Variants in FXN observed in about 807,000 individuals in gnomAD.
FXN encodes frataxin.
A neutral mutation model predicts 22.4 loss-of-function variants in FXN; 14 were observed. The observed-to-expected ratio is 0.62, with a 90% CI of 0.41 to 0.98. The LOEUF is 0.98. Ranked by LOEUF, FXN falls within the 50% of genes least tolerant of loss-of-function variation. FXN has a pLI of 0.00. For missense variants in FXN, 267 were observed against 268.4 expected (o/e 0.99, Z 0.04); for synonymous variants, 120 against 114.1 (o/e 1.05, Z -0.33).
chr9:69,035,991 G>A lies in FXN; in HGVS notation c.165+44G>A, dbSNP rs1003234506. The A allele has an allele frequency of 6.9e-6, 9 of 1,308,506 alleles. 1 individual carries two copies. Among genetic ancestry groups the A allele is most frequent in the African/African-American group, 4.7e-5 (3 of 64,100 alleles). The allele number at this position is 1,308,506 out of a possible 1,614,324, so 81.1% of individuals were successfully genotyped here. A position where few individuals can be genotyped will look rare whatever the true frequency, so the allele number is the denominator to read the frequency against. ...AACAGCCGCGGGCCGCACGCCGCGG[G>A]CCGCACGCCGCACGCCTGCGCAGGG... On this transcript the variant is annotated intron_variant, in intron 1 of 4. Coordinates refer to ENST00000484259, the MANE Select transcript of FXN (RefSeq NM_000144.5).
At chr9:69,036,449 G>T (rs1303232360) in intron 1 of FXN, among the ~76,000 whole-genome samples, 4 of 152,162 alleles carry the variant, frequency 2.6e-5, no homozygotes, top group South Asian at 2.1e-4. Context: ...GGATTTTTTT[G>T]AACGAAATGC....
At chr9:69,059,985 T>C (rs1035423326) in intron 3 of FXN, among the ~76,000 whole-genome samples, 3 of 152,234 alleles carry the variant, frequency 2.0e-5, no homozygotes, top group Non-Finnish European at 2.9e-5. Flanking sequence ...CCATCTTATA[T>C]GTGTCTATTT....
intron 2 of FXN, among the ~76,000 whole-genome samples, chr9:69,046,895 T>A (rs950473137): frequency 6.6e-6 from 1 of 152,238 alleles, no homozygotes; most frequent in African/African-American, 2.4e-5. Context: ...GGTCTTTATC[T>A]GTCAGTGCCT....
intron 1 of FXN, among the ~76,000 whole-genome samples, chr9:69,045,952 T>C (rs1831745012): frequency 6.6e-6 from 1 of 152,148 alleles, no homozygotes; most frequent in African/African-American, 2.4e-5. Flanking sequence ...ATGCTTTCAG[T>C]ATGCCCTCCC....
intron 1 of FXN, among the ~76,000 whole-genome samples, chr9:69,045,423 C>T (rs1403371140): frequency 4.6e-5 from 7 of 152,052 alleles, no homozygotes; most frequent in African/African-American, 1.7e-4. Flanking sequence ...TGGTGAAACC[C>T]CGTCTCTACT....
intron 1 of FXN, among the ~76,000 whole-genome samples, chr9:69,037,284 A>AAAAAAGAAGAAGAAG (rs544093183): frequency 2.3e-4 from 18 of 78,050 alleles, no homozygotes; most frequent in South Asian, 2.3e-3. Context: ...AAAAAAAAAA[A>AAAAAAGAAGAAGAAG]AAGAAGAAGA....
At chr9:69,041,952 A>C (rs1831665486) in intron 1 of FXN, among the ~76,000 whole-genome samples, 1 of 152,006 alleles carries the variant, frequency 6.6e-6, no homozygotes, top group Non-Finnish European at 1.5e-5. Flanking sequence ...TAGAAAGAAC[A>C]CTCATCATGG....
intron 4 of FXN, among the ~76,000 whole-genome samples, chr9:69,065,755 T>C (rs1832156647): frequency 6.6e-6 from 1 of 152,212 alleles, no homozygotes; most frequent in African/African-American, 2.4e-5. Context: ...ACAGTTTTCC[T>C]CTATTAAATT....
chr9:69,059,425 G>C (rs1035056313), intron 3 of FXN, among the ~76,000 whole-genome samples: 3 of 75,552 alleles, frequency 4.0e-5, no homozygotes, highest in African/African-American at 1.3e-4. Context: ...TTTTGAGAGA[G>C]ATCTCACTCT....
At position 69,035,906 on chromosome 9, in the gene FXN, C is replaced by G; in HGVS notation, c.124C>G (p.Leu42Val). 6.7e-7 allele frequency: 1 copy of G among 1,487,510 alleles called. No homozygotes were observed. Among genetic ancestry groups the G allele is most frequent in the African/African-American group, 1.5e-5 (1 of 68,520 alleles). The allele number at this position is 1,487,510 out of a possible 1,614,324, so 92.1% of individuals were successfully genotyped here. A position where few individuals can be genotyped will look rare whatever the true frequency, so the allele number is the denominator to read the frequency against. The change falls in exon 1 of 5, where the codon CTG becomes GTG. Residue 42 changes from leucine to valine, a missense_variant. Coordinates refer to ENST00000484259, the MANE Select transcript of FXN (RefSeq NM_000144.5). ...GGCCCCACTCTGCGGCCGCCGTGGCCTGCGCACCGACATCGATGCGACCTG... is the reference window on the plus strand; with the variant it reads ...GGCCCCACTCTGCGGCCGCCGTGGCGTGCGCACCGACATCGATGCGACCTG... ...ELAPLCGRRG[L>V]RTDIDATCTP...
intron 1 of FXN, among the ~76,000 whole-genome samples, chr9:69,043,286 A>C (rs1005462226): frequency 6.6e-6 from 1 of 152,188 alleles, no homozygotes; most frequent in African/African-American, 2.4e-5. Context: ...TTTCTCTGTT[A>C]AAATTGTCTC....
chr9:69,048,394 A>G (rs1234269097), intron 2 of FXN, among the ~76,000 whole-genome samples: 1 of 152,100 alleles, frequency 6.6e-6, no homozygotes, highest in Non-Finnish European at 1.5e-5. Flanking sequence ...CACTGAGGCC[A>G]GGAGTTCAAG....
chr9:69,073,076 A>G lies in FXN; in HGVS notation c.*314A>G. On this transcript the variant is annotated 3_prime_UTR_variant, in exon 5 of 5. Transcript: ENST00000484259. ...CAACCTTTAAAAAAGCAAAATAATAAGAAGGAAAAATTCCAGGAGGGAAAA... is the reference window on the plus strand; with the variant it reads ...CAACCTTTAAAAAAGCAAAATAATAGGAAGGAAAAATTCCAGGAGGGAAAA... 2 of 1,205,352 alleles carry G rather than the reference A, an allele frequency of 1.7e-6. No homozygotes were observed. Among genetic ancestry groups the G allele is most frequent in the East Asian group, 9.1e-5 (2 of 22,022 alleles). 74.7% of individuals were successfully genotyped at this position (1,205,352 alleles called of 1,614,324 possible).
intron 3 of FXN, among the ~76,000 whole-genome samples, chr9:69,054,988 G>A (rs975715003): frequency 4.6e-5 from 7 of 152,224 alleles, no homozygotes; most frequent in African/African-American, 1.7e-4. Context: ...CATAATGGAG[G>A]AGGCAACCAA....
intron 4 of FXN, among the ~76,000 whole-genome samples, chr9:69,069,608 C>T (rs903273271): frequency 2.0e-5 from 3 of 152,202 alleles, no homozygotes; most frequent in East Asian, 1.9e-4. Context: ...GTGGTCTCCC[C>T]GCTTCCTGGC....
At chr9:69,070,910 A>T (rs528061059) in intron 4 of FXN, among the ~76,000 whole-genome samples, 1 of 151,842 alleles carries the variant, frequency 6.6e-6, no homozygotes, top group African/African-American at 2.4e-5. Flanking sequence ...GCTTCAAGCA[A>T]TCCTCCCACA....
chr9:69,078,420 G>A lies in FXN; in HGVS notation c.*5658G>A. On this transcript the variant is annotated 3_prime_UTR_variant, in exon 5 of 5. Coordinates refer to ENST00000484259, the MANE Select transcript of FXN (RefSeq NM_000144.5). Reference sequence around the variant, plus strand: ...ATCATTTTTCACCTGCATTTTTGCAGGAGCTTTCTTATATCCACCTTCCTC... The same window carrying A: ...ATCATTTTTCACCTGCATTTTTGCAAGAGCTTTCTTATATCCACCTTCCTC... The A allele has an allele frequency of 4.1e-6, 4 of 985,380 alleles. No homozygotes were observed. Among genetic ancestry groups the A allele is most frequent in the Non-Finnish European group, 3.6e-6 (3 of 829,938 alleles). 61.0% of individuals were successfully genotyped at this position (985,380 alleles called of 1,614,324 possible).
At chr9:69,043,028 A>G (rs1335642902) in intron 1 of FXN, among the ~76,000 whole-genome samples, 1 of 152,168 alleles carries the variant, frequency 6.6e-6, no homozygotes, top group Non-Finnish European at 1.5e-5. Context: ...AAGAGTCTGT[A>G]CTTGTTAATT....
rs188138273 is a variant in FXN, at chr9:69,059,346, A to G, written c.385-5592A>G. On this transcript the variant is annotated intron_variant, in intron 3 of 4. Transcript: ENST00000484259. The stretch of plus-strand genomic sequence containing the variant: ...AGCTGGAAGTGTCTGCAGCCCCCTG[A>G]GACCACTTAATCCCAAGTTAAAAAC... 1.0e-3 allele frequency among the ~76,000 whole-genome samples: 147 copies of G among 146,788 alleles called. 1 individual carries two copies. The highest frequency in any genetic ancestry group is 2.2e-3 in the Admixed American group (33 of 14,726).
Sources: allele counts gnomAD v4.1 joint callset (sites outside exome capture counted in the v4.1 genomes callset), GRCh38; gene constraint gnomAD v4.1.1; transcripts MANE v1.5; gene names NCBI Gene and HGNC (gene_info 2026-07-23, HGNC 2026-07-21).